INTS9: variants seen among roughly 807,000 people sequenced by gnomAD.
INTS9 encodes the protein protein related to CPSF subunits of 74 kDa.
INTS9 carries 55 observed loss-of-function variants against 79.7 expected under a neutral mutation model. The observed-to-expected ratio is 0.69, with a 90% CI of 0.56 to 0.86. The LOEUF is 0.86. INTS9 is among the 40% of genes least tolerant of loss of function. The pLI, the probability that INTS9 is intolerant of heterozygous loss-of-function variation, is 0.00. For synonymous variants in INTS9, 319 were observed against 325.2 expected (o/e 0.98, Z 0.20); for missense variants, 721 against 831.5 (o/e 0.87, Z 1.64).
chr8:28,793,555 G>A (rs538137169), intron 10 of INTS9, among the ~76,000 whole-genome samples: 71 of 152,214 alleles, frequency 4.7e-4, no homozygotes, highest in Non-Finnish European at 9.8e-4. Flanking sequence ...TAAGATTTTT[G>A]TTACCAGTTT....
At chr8:28,834,856 T>C (rs1348235422) in intron 6 of INTS9, among the ~76,000 whole-genome samples, 2 of 152,174 alleles carry the variant, frequency 1.3e-5, no homozygotes, top group African/African-American at 4.8e-5. Context: ...TTTGCATTTT[T>C]CATAGAGACG....
intron 2 of INTS9, among the ~76,000 whole-genome samples, chr8:28,858,968 A>C (rs1188237343): frequency 6.6e-6 from 1 of 152,242 alleles, no homozygotes; most frequent in Admixed American, 6.5e-5. Flanking sequence ...TGTCTCATTT[A>C]AGATATGAAC....
chr8:28,796,317 C>A (rs241170), intron 9 of INTS9, among the ~76,000 whole-genome samples: 118,787 of 152,098 alleles, frequency 0.78, 46,556 homozygotes, highest in Non-Finnish European at 0.8. Flanking sequence ...TCAAAAACAA[C>A]CACACAAACA....
intron 6 of INTS9, among the ~76,000 whole-genome samples, chr8:28,834,683 T>TG (rs1806696221): frequency 6.6e-6 from 1 of 151,842 alleles, no homozygotes; most frequent in African/African-American, 2.4e-5. Flanking sequence ...TCTGTTTTTT[T>TG]TTTTTTTTTT....
intron 8 of INTS9, among the ~76,000 whole-genome samples, chr8:28,808,061 G>A (rs1804907445): frequency 6.6e-6 from 1 of 152,168 alleles, no homozygotes; most frequent in Non-Finnish European, 1.5e-5. Flanking sequence ...CCCTTTGGGA[G>A]GTTGCACTCT....
In INTS9 at chr8:28,838,761, T is replaced by C. The variant is rs1387579339; in HGVS notation, c.262-985A>G. On this transcript the variant is annotated intron_variant, in intron 4 of 16. Transcript: ENST00000521022. ...GTCTCAAACTCCCGGCCTCAAGTGA[T>C]CTGCCTGCCTCAGCCTTCCAAAATG... Among the ~76,000 whole-genome samples, 5 of 152,282 alleles carry C rather than the reference T, an allele frequency of 3.3e-5. No individual in the cohort carries two copies. The East Asian group carries it at 7.7e-4, about 24-fold the overall frequency.
At chr8:28,823,215 G>T (rs1362099772) in intron 6 of INTS9, among the ~76,000 whole-genome samples, 1 of 152,150 alleles carries the variant, frequency 6.6e-6, no homozygotes, top group African/African-American at 2.4e-5. Flanking sequence ...TGAGGTAAAG[G>T]CACCTGAAAA....
At chr8:28,877,462 T>A (rs939785962) in intron 1 of INTS9, among the ~76,000 whole-genome samples, 2 of 152,178 alleles carry the variant, frequency 1.3e-5, no homozygotes, top group African/African-American at 4.8e-5. Flanking sequence ...TACTGGCAAC[T>A]GCAATTTGAT....
chr8:28,839,179 T>A (rs1009621957), intron 4 of INTS9, among the ~76,000 whole-genome samples: 5 of 152,026 alleles, frequency 3.3e-5, no homozygotes, highest in African/African-American at 1.2e-4. Flanking sequence ...ATGAGTGAAC[T>A]CCCATTCACA....
At chr8:28,841,529 A>G (rs1295350960) in intron 4 of INTS9, among the ~76,000 whole-genome samples, 1 of 152,196 alleles carries the variant, frequency 6.6e-6, no homozygotes, top group Non-Finnish European at 1.5e-5. Context: ...TCAAGAGTGT[A>G]TGCTTACATA....
At chr8:28,821,571 G>C (rs1438128124) in intron 6 of INTS9, among the ~76,000 whole-genome samples, 1 of 142,134 alleles carries the variant, frequency 7.0e-6, no homozygotes, top group Non-Finnish European at 1.5e-5. Context: ...GACAATTCCA[G>C]CTGAAACCAC....
intron 8 of INTS9, chr8:28,798,627 T>G (rs1269355073): frequency 6.6e-6 from 1 of 152,116 alleles, no homozygotes; most frequent in East Asian, 1.9e-4. Context: ...GCCTCCTGAG[T>G]AGCTGGGATT....
chr8:28,771,732 T>C (rs1234108719), intron 14 of INTS9, among the ~76,000 whole-genome samples: 1 of 152,252 alleles, frequency 6.6e-6, no homozygotes, highest in Non-Finnish European at 1.5e-5. Context: ...GTGCGCCAGA[T>C]CCCGTTCTTC....
intron 14 of INTS9, among the ~76,000 whole-genome samples, chr8:28,775,222 A>T (rs1386678210): frequency 6.6e-6 from 1 of 152,226 alleles, no homozygotes; most frequent in Non-Finnish European, 1.5e-5. Flanking sequence ...CCCAGGGCTC[A>T]CGCTGCTGAA....
chr8:28,842,917 T>C (rs921004731), intron 4 of INTS9, among the ~76,000 whole-genome samples: 1 of 152,214 alleles, frequency 6.6e-6, no homozygotes, highest in Non-Finnish European at 1.5e-5. Flanking sequence ...CTGTGTGTGA[T>C]GAGGCTCAAA....
At chr8:28,831,951 C>T (rs914367450) in intron 6 of INTS9, among the ~76,000 whole-genome samples, 3 of 152,098 alleles carry the variant, frequency 2.0e-5, no homozygotes, top group East Asian at 1.9e-4. Context: ...GTGATCTGCC[C>T]GCATCAGCCT....
chr8:28,852,979 G>A (rs527808722), intron 2 of INTS9, among the ~76,000 whole-genome samples: 3 of 152,346 alleles, frequency 2.0e-5, no homozygotes, highest in African/African-American at 7.2e-5. Flanking sequence ...TGCTTACTGT[G>A]TTCCAATGAG....
intron 8 of INTS9, among the ~76,000 whole-genome samples, chr8:28,805,309 T>G (rs1563262836): frequency 6.6e-6 from 1 of 152,244 alleles, no homozygotes; most frequent in Non-Finnish European, 1.5e-5. Flanking sequence ...ATCGAAGTTT[T>G]TTGCCTTTGA....
At chr8:28,869,408 C>G (rs1343403235) in intron 1 of INTS9, among the ~76,000 whole-genome samples, 1 of 152,098 alleles carries the variant, frequency 6.6e-6, no homozygotes, top group Non-Finnish European at 1.5e-5. Context: ...TTTCTCTTCT[C>G]CAACACATCC....
Sources: gnomAD v4.1 joint callset for allele counts (sites outside exome capture counted in the v4.1 genomes callset) on GRCh38, gnomAD v4.1.1 for gene constraint, MANE v1.5 for transcripts, NCBI Gene and HGNC (gene_info 2026-07-23, HGNC 2026-07-21) for gene names.